Variants in TTC39B observed in about 807,000 individuals in gnomAD.
TTC39B encodes tetratricopeptide repeat domain 39B, also known as tetratricopeptide repeat protein 39B.
A neutral mutation model predicts 96.6 loss-of-function variants in TTC39B; 92 were observed. The observed-to-expected ratio is 0.95, with a 90% CI of 0.80 to 1.13. TTC39B has a LOEUF of 1.13. TTC39B is among the 50% of genes most tolerant of loss of function. The pLI, the probability that TTC39B is intolerant of heterozygous loss-of-function variation, is 0.00. For missense variants in TTC39B, 955 were observed against 809.3 expected, an observed-to-expected ratio of 1.18 and a Z score of -2.18; for synonymous variants, 367 against 299.4, an observed-to-expected ratio of 1.23 and a Z score of -2.33.
exon 20 of TTC39B, chr9:15,165,546 T>C (rs1264956710): frequency 6.6e-6 from 1 of 152,200 alleles, no homozygotes; most frequent in Non-Finnish European, 1.5e-5. Flanking sequence ...TGAGACTGGA[T>C]AATTTATTTA....
chr9:15,234,631 G>C (rs113876366), intron 2 of TTC39B, among the ~76,000 whole-genome samples: 4 of 152,220 alleles, frequency 2.6e-5, no homozygotes, highest in African/African-American at 7.2e-5. Context: ...GATGGTTGCC[G>C]TGTCTGTGTA....
rs1455489298 is a variant in TTC39B at position 15,166,982 on chromosome 9, T to A, written c.*5037A>T. Reference sequence around the variant, plus strand: ...TAACATGTGTCCACAAACCTTTATTTTATATATATATATATATATATATAT... The same window carrying A: ...TAACATGTGTCCACAAACCTTTATTATATATATATATATATATATATATAT... On this transcript the variant is annotated 3_prime_UTR_variant, in exon 20 of 20. Transcript: ENST00000512701. 1.2e-3 allele frequency: 24 copies of A among 20,270 alleles called. 1 individual carries two copies. Among genetic ancestry groups the A allele is most frequent in the African/African-American group, 4.0e-3 (22 of 5,438 alleles). 1.3% of individuals were successfully genotyped at this position (20,270 alleles called of 1,614,324 possible). A position where few individuals can be genotyped will look rare whatever the true frequency, so the allele number is the denominator to read the frequency against.
chr9:15,184,535 A>C (rs1371710509), intron 16 of TTC39B, among the ~76,000 whole-genome samples: 1 of 152,216 alleles, frequency 6.6e-6, no homozygotes, highest in Non-Finnish European at 1.5e-5. Flanking sequence ...CAGAAGAGTC[A>C]TAGTAACTTG....
chr9:15,177,869 CTTTTTTT>C, intron 17 of TTC39B, 55 bp from the exon 18 acceptor site: 3 of 466,280 alleles, frequency 6.4e-6, no homozygotes, highest in Non-Finnish European at 7.0e-6. Context: ...TTTTTAAGAT[CTTTTTTT>C]TTTTTTTTTT....
At chr9:15,188,497 T>C (rs970464626) in intron 13 of TTC39B, among the ~76,000 whole-genome samples, 1 of 152,178 alleles carries the variant, frequency 6.6e-6, no homozygotes, top group Admixed American at 6.6e-5. Context: ...ACTATCTACG[T>C]AACTGGCAAA....
At chr9:15,188,201 T>C (rs2118737076) in intron 13 of TTC39B, 69 bp from the exon 14 acceptor site, 1 of 1,464,410 alleles carries the variant, frequency 6.8e-7, no homozygotes, top group Non-Finnish European at 9.1e-7. Flanking sequence ...AATGGAAAAA[T>C]ACATAAAACA....
At chr9:15,243,535 C>T (rs1322206489) in intron 2 of TTC39B, among the ~76,000 whole-genome samples, 1 of 152,208 alleles carries the variant, frequency 6.6e-6, no homozygotes, top group African/African-American at 2.4e-5. Context: ...AGAAAAAAAG[C>T]ACTTTCGTAA....
intron 1 of TTC39B, among the ~76,000 whole-genome samples, chr9:15,303,483 A>C (rs1290122997): frequency 6.6e-6 from 1 of 150,802 alleles, no homozygotes; most frequent in African/African-American, 2.4e-5. Context: ...TGATCCTCCC[A>C]CCTCAGCCTC....
chr9:15,190,669 G>A lies in TTC39B; in HGVS notation c.997-7C>T, dbSNP rs781781556. On this transcript the variant is annotated splice_polypyrimidine_tract_variant and splice_region_variant and intron_variant, in intron 10 of 19. Transcript: ENST00000512701. ...ACTGCAGGAGGCCCAACTCCTATGG[G>A]AATTAAATGCATTTTTAGAAAGAGA... 6 of 1,607,034 alleles carry A rather than the reference G, an allele frequency of 3.7e-6. No homozygotes were observed. In the East Asian group the frequency reaches 1.1e-4, roughly 30 times the overall value.
intron 1 of TTC39B, among the ~76,000 whole-genome samples, chr9:15,279,479 T>C (rs978575999): frequency 6.6e-6 from 1 of 152,136 alleles, no homozygotes; most frequent in Non-Finnish European, 1.5e-5. Flanking sequence ...TCTATCTGGG[T>C]TCAAATCCCA....
intron 1 of TTC39B, among the ~76,000 whole-genome samples, chr9:15,277,872 G>A (rs1009015505): frequency 6.6e-6 from 1 of 152,186 alleles, no homozygotes; most frequent in Non-Finnish European, 1.5e-5. Context: ...GGACTAACTT[G>A]ATTCTCAATA....
chr9:15,267,245 T>C (rs1215803065), intron 2 of TTC39B, among the ~76,000 whole-genome samples: 1 of 152,232 alleles, frequency 6.6e-6, no homozygotes, highest in Non-Finnish European at 1.5e-5. Context: ...AAATAAATTA[T>C]TGTTGATTAA....
intron 8 of TTC39B, among the ~76,000 whole-genome samples, chr9:15,198,028 C>T (rs1321005974): frequency 6.6e-6 from 1 of 151,938 alleles, no homozygotes; most frequent in Non-Finnish European, 1.5e-5. Context: ...AATATATTTA[C>T]CATTTTGAAT....
At chr9:15,302,944 C>G (rs998505482) in intron 1 of TTC39B, among the ~76,000 whole-genome samples, 10 of 151,882 alleles carry the variant, frequency 6.6e-5, no homozygotes, top group African/African-American at 2.4e-4. Context: ...CTGAGGCGGC[C>G]GGATCACGAG....
At position 15,236,032 on chromosome 9, in the gene TTC39B, A is replaced by T. The variant is rs137974614; in HGVS notation, c.276-10020T>A. Among the ~76,000 whole-genome samples, 917 of 152,170 alleles carry T rather than the reference A, an allele frequency of 6.0e-3. 8 individuals carry two copies. The highest frequency in any genetic ancestry group is 0.02 in the African/African-American group (820 of 41,532). ...ATACGGAGTAGCAAACTAGTTTTTT[A>T]AAAAAAATACAAGACCCAACCATCT... On this transcript the variant is annotated intron_variant, in intron 2 of 19. Transcript: ENST00000512701.
At chr9:15,197,975 A>G (rs1819273312) in intron 8 of TTC39B, among the ~76,000 whole-genome samples, 1 of 152,214 alleles carries the variant, frequency 6.6e-6, no homozygotes, top group Non-Finnish European at 1.5e-5. Flanking sequence ...GACACCCTCT[A>G]AGAAATGCTA....
chr9:15,170,589 G>A (rs1564302095), exon 20 of TTC39B: 1 of 152,140 alleles, frequency 6.6e-6, no homozygotes, highest in Non-Finnish European at 1.5e-5. Flanking sequence ...CTGAACCCCT[G>A]AAAAGCTGAG....
intron 17 of TTC39B, among the ~76,000 whole-genome samples, chr9:15,179,011 C>A (rs946186470): frequency 1.3e-5 from 2 of 152,184 alleles, no homozygotes; most frequent in African/African-American, 2.4e-5. Flanking sequence ...CACCTAAAAT[C>A]TCCACAAACT....
chr9:15,205,750 G>A (rs540998314), intron 6 of TTC39B, among the ~76,000 whole-genome samples: 2 of 152,060 alleles, frequency 1.3e-5, no homozygotes, highest in South Asian at 2.1e-4. Context: ...AGCTATGAAA[G>A]TCTGCTCAGG....
Sources: allele counts gnomAD v4.1 joint callset (sites outside exome capture counted in the v4.1 genomes callset), GRCh38; gene constraint gnomAD v4.1.1; transcripts MANE v1.5; gene names NCBI Gene and HGNC (gene_info 2026-07-23, HGNC 2026-07-21).